Variants in SHISA6 observed in about 807,000 individuals in gnomAD.
SHISA6 encodes protein shisa-6.
In SHISA6, 22 loss-of-function variants were observed where a neutral mutation model predicts 47.9. The observed-to-expected ratio is 0.46, with a 90% CI of 0.33 to 0.66. The LOEUF (loss-of-function observed/expected upper bound fraction) is 0.66, where lower values mean the gene tolerates loss of function less well. Ranked by LOEUF, SHISA6 falls within the 30% of genes least tolerant of loss-of-function variation. SHISA6 has a pLI of 0.02. For missense variants in SHISA6, 680 were observed against 764.6 expected, an observed-to-expected ratio of 0.89 and a Z score of 1.30; for synonymous variants, 388 against 337.8, an observed-to-expected ratio of 1.15 and a Z score of -1.63.
At position 11,412,085 on chromosome 17, in the gene SHISA6, G is replaced by A. The variant is rs147105081; in HGVS notation, c.895+32576G>A. The stretch of plus-strand genomic sequence containing the variant: ...TGAAGTGGTTGCTTATTAATGGCAA[G>A]TTGTAGTGTAAAAGATGAGCTTTGA... On this transcript the variant is annotated intron_variant, in intron 3 of 5. Coordinates refer to ENST00000441885, the MANE Select transcript of SHISA6 (RefSeq NM_207386.4). Among the ~76,000 whole-genome samples the A allele has an allele frequency of 5.2e-3, 792 of 152,324 alleles. 6 individuals carry two copies. Among genetic ancestry groups the A allele is most frequent in the African/African-American group, 0.018 (743 of 41,572 alleles).
At chr17:11,269,809 A>C (rs935449196) in intron 2 of SHISA6, among the ~76,000 whole-genome samples, 4 of 152,182 alleles carry the variant, frequency 2.6e-5, no homozygotes, top group African/African-American at 4.8e-5. Context: ...CACAGGGGTC[A>C]CTTAAGTGGG....
At chr17:11,315,844 CAT>C (rs928469237) in intron 2 of SHISA6, among the ~76,000 whole-genome samples, 7 of 152,160 alleles carry the variant, frequency 4.6e-5, no homozygotes, top group African/African-American at 1.7e-4. Context: ...GAGAGCCAAA[CAT>C]AGAGTTCTGA....
chr17:11,553,209 T>A (rs1218898218), intron 4 of SHISA6, among the ~76,000 whole-genome samples: 1 of 152,096 alleles, frequency 6.6e-6, no homozygotes, highest in African/African-American at 2.4e-5. Context: ...GCTGAAGATG[T>A]GAGTGAAGCT....
At chr17:11,339,426 A>AT in intron 2 of SHISA6, among the ~76,000 whole-genome samples, 1 of 151,934 alleles carries the variant, frequency 6.6e-6, no homozygotes, top group South Asian at 2.1e-4. Context: ...GATTCACTAC[A>AT]CCCCCCCTCC....
intron 2 of SHISA6, among the ~76,000 whole-genome samples, chr17:11,292,693 G>T (rs941978364): frequency 6.6e-6 from 1 of 151,926 alleles, no homozygotes; most frequent in African/African-American, 2.4e-5. Context: ...TGGCGGGCAG[G>T]GGGTGCAGAA....
chr17:11,342,211 A>G (rs1345530228), intron 2 of SHISA6, among the ~76,000 whole-genome samples: 1 of 152,158 alleles, frequency 6.6e-6, no homozygotes, highest in Non-Finnish European at 1.5e-5. Flanking sequence ...AGTGAGATCC[A>G]TGGAGCTGCA....
chr17:11,404,497 G>A (rs1228895834), intron 3 of SHISA6, among the ~76,000 whole-genome samples: 1 of 152,134 alleles, frequency 6.6e-6, no homozygotes, highest in Non-Finnish European at 1.5e-5. Flanking sequence ...TGACTCACAT[G>A]GCAATTTCCT....
chr17:11,494,116 C>G (rs1049663057), intron 3 of SHISA6, among the ~76,000 whole-genome samples: 1 of 152,120 alleles, frequency 6.6e-6, no homozygotes, highest in Non-Finnish European at 1.5e-5. Context: ...CAGCAGGCTC[C>G]CAGTCCATAT....
At chr17:11,528,974 C>G (rs1055499309) in intron 3 of SHISA6, among the ~76,000 whole-genome samples, 2 of 152,086 alleles carry the variant, frequency 1.3e-5, no homozygotes, top group Non-Finnish European at 2.9e-5. Context: ...AGGCAGATCA[C>G]GAGGTCGGGA....
chr17:11,263,123 A>C (rs1908297667), intron 1 of SHISA6, among the ~76,000 whole-genome samples: 1 of 152,186 alleles, frequency 6.6e-6, no homozygotes, highest in Admixed American at 6.5e-5. Flanking sequence ...ACTGATGTGA[A>C]ATAAATTAAA....
chr17:11,480,876 T>G (rs1198881808), intron 3 of SHISA6, among the ~76,000 whole-genome samples: 1 of 152,048 alleles, frequency 6.6e-6, no homozygotes, highest in Non-Finnish European at 1.5e-5. Flanking sequence ...TTGTGACAGG[T>G]GTCTTATTTA....
At chr17:11,526,117 C>CCA (rs565670711) in intron 3 of SHISA6, among the ~76,000 whole-genome samples, 3 of 151,980 alleles carry the variant, frequency 2.0e-5, no homozygotes, top group African/African-American at 7.3e-5. Context: ...GGGACCCCCC[C>CCA]CCGCTCTCTG....
intron 2 of SHISA6, among the ~76,000 whole-genome samples, chr17:11,330,921 A>G (rs1911083932): frequency 6.6e-6 from 1 of 152,228 alleles, no homozygotes; most frequent in Non-Finnish European, 1.5e-5. Context: ...TCTCACGTAT[A>G]GTGACAACAT....
At chr17:11,284,352 A>C (rs1477131236) in intron 2 of SHISA6, among the ~76,000 whole-genome samples, 2 of 152,162 alleles carry the variant, frequency 1.3e-5, no homozygotes, top group East Asian at 3.9e-4. Context: ...TCATCCTTAC[A>C]GGGTTGGCTT....
At chr17:11,513,246 G>A (rs544966955) in intron 3 of SHISA6, among the ~76,000 whole-genome samples, 5 of 150,916 alleles carry the variant, frequency 3.3e-5, no homozygotes, top group African/African-American at 4.9e-5. Flanking sequence ...ATATACATAC[G>A]TATATATGCA....
chr17:11,520,572 C>G (rs1037276398), intron 3 of SHISA6, among the ~76,000 whole-genome samples: 4 of 152,144 alleles, frequency 2.6e-5, no homozygotes, highest in African/African-American at 9.7e-5. Context: ...CTACACTGAT[C>G]ATTTCAGTGT....
chr17:11,292,855 G>A (rs1164554511), intron 2 of SHISA6, among the ~76,000 whole-genome samples: 3 of 129,954 alleles, frequency 2.3e-5, no homozygotes, highest in African/African-American at 8.7e-5. Context: ...ATGGAGTTTT[G>A]CGCTTATTGC....
intron 3 of SHISA6, among the ~76,000 whole-genome samples, chr17:11,406,045 G>A (rs1355971562): frequency 6.6e-6 from 1 of 152,156 alleles, no homozygotes; most frequent in Non-Finnish European, 1.5e-5. Context: ...ATAACCAATA[G>A]CAGTATTAGC....
chr17:11,441,774 A>G (rs761924543), intron 3 of SHISA6, among the ~76,000 whole-genome samples: 9 of 152,166 alleles, frequency 5.9e-5, no homozygotes, highest in Non-Finnish European at 1.2e-4. Context: ...TTTTCCCACT[A>G]ACTTCATTCA....
Sources: gnomAD v4.1 joint callset for allele counts (sites outside exome capture counted in the v4.1 genomes callset) on GRCh38, gnomAD v4.1.1 for gene constraint, MANE v1.5 for transcripts, NCBI Gene and HGNC (gene_info 2026-07-23, HGNC 2026-07-21) for gene names.